FLT3: variants seen among roughly 807,000 people sequenced by gnomAD.
FLT3 encodes receptor-type tyrosine-protein kinase FLT3.
In FLT3, 46 loss-of-function variants were observed where a neutral mutation model predicts 126.6. That is an observed-to-expected ratio of 0.36 (90% confidence interval 0.29 to 0.46). The LOEUF is 0.46. FLT3 is among the 20% of genes least tolerant of loss of function. FLT3 has a pLI of 1.00. For synonymous variants in FLT3, 404 were observed against 434.4 expected (o/e 0.93, Z 0.87); for missense variants, 1,069 against 1,190.3 (o/e 0.90, Z 1.50).
intron 23 of FLT3, among the ~76,000 whole-genome samples, chr13:28,012,156 T>A (rs1871446145): frequency 6.6e-6 from 1 of 152,190 alleles, no homozygotes; most frequent in African/African-American, 2.4e-5. Context: ...CTTCTGACAC[T>A]GGTCACAGAG....
In FLT3 at chr13:28,070,480, T is replaced by A; in HGVS notation, c.165+11A>T. 1 of 1,605,586 alleles carries A rather than the reference T, an allele frequency of 6.2e-7. No individual in the cohort carries two copies. Among genetic ancestry groups the A allele is most frequent in the South Asian group, 1.1e-5 (1 of 89,892 alleles). ...AAAACAGCTAAAGGTATAATTTTAA[T>A]GTTACTTTACCATGGGATATGATGA... On this transcript the variant is annotated intron_variant, in intron 2 of 23. Coordinates refer to ENST00000241453, the MANE Select transcript of FLT3 (RefSeq NM_004119.3).
intron 9 of FLT3, among the ~76,000 whole-genome samples, chr13:28,040,256 A>G (rs1305086597): frequency 6.6e-6 from 1 of 152,202 alleles, no homozygotes; most frequent in Admixed American, 6.5e-5. Context: ...TAGGAGAAGT[A>G]AAAGTTCAGA....
At chr13:28,012,263 T>C (rs1437026068) in intron 23 of FLT3, among the ~76,000 whole-genome samples, 4 of 152,166 alleles carry the variant, frequency 2.6e-5, no homozygotes, top group Non-Finnish European at 5.9e-5. Flanking sequence ...TGCATGGATA[T>C]GTTGCCATTC....
intron 1 of FLT3, among the ~76,000 whole-genome samples, chr13:28,085,221 A>G (rs1403745432): frequency 2.7e-5 from 4 of 145,472 alleles, no homozygotes; most frequent in South Asian, 2.2e-4. Flanking sequence ...GCGCACGCCT[A>G]TAGTTCCAGC....
At chr13:28,078,440 G>T (rs992418348) in intron 1 of FLT3, among the ~76,000 whole-genome samples, 20 of 152,230 alleles carry the variant, frequency 1.3e-4, no homozygotes, top group Admixed American at 6.5e-4. Flanking sequence ...AGCCTGAGCT[G>T]TACATTGGTC....
chr13:28,092,611 G>A (rs750270293), intron 1 of FLT3, among the ~76,000 whole-genome samples: 6 of 151,878 alleles, frequency 4.0e-5, no homozygotes, highest in Admixed American at 1.3e-4. Context: ...TCAAGCCCTC[G>A]TTATCATCTC....
At position 28,035,667 on chromosome 13, in the gene FLT3, T is replaced by C; in HGVS notation, c.1425A>G (p.Thr475=). Residue 475 remains threonine, a synonymous_variant, in exon 12 of 24, where the codon ACA becomes ACG. Transcript: ENST00000241453. ...KKCSDKSPNC[T]EEITEGVWNR... ...TCCAGACTCCTTCTGTGATCTCTTC[T>C]GTGCAGCTGAAAAAAAAAATAGCAA... 6.2e-7 allele frequency: 1 copy of C among 1,601,282 alleles called. No individual in the cohort carries two copies. Among genetic ancestry groups the C allele is most frequent in the African/African-American group, 1.4e-5 (1 of 73,926 alleles).
chr13:28,097,997 T>A (rs1447763450), intron 1 of FLT3, among the ~76,000 whole-genome samples: 1 of 152,126 alleles, frequency 6.6e-6, no homozygotes, highest in African/African-American at 2.4e-5. Context: ...GAAAGCTTCA[T>A]CATTATTCAT....
chr13:28,075,908 G>A (rs1281163166), intron 1 of FLT3, among the ~76,000 whole-genome samples: 1 of 151,226 alleles, frequency 6.6e-6, no homozygotes, highest in African/African-American at 2.4e-5. Flanking sequence ...TGATCCTCCT[G>A]CCTCAGCCTC....
chr13:28,068,586 C>T (rs1877235557), intron 2 of FLT3, among the ~76,000 whole-genome samples: 1 of 151,992 alleles, frequency 6.6e-6, no homozygotes, highest in African/African-American at 2.4e-5. Flanking sequence ...GCCTGTAATC[C>T]CAACACTTTG....
intron 23 of FLT3, among the ~76,000 whole-genome samples, chr13:28,010,674 C>G (rs781493160): frequency 6.6e-6 from 1 of 152,174 alleles, no homozygotes; most frequent in Non-Finnish European, 1.5e-5. Context: ...CTCTCTGGTT[C>G]TCTGAGGGCC....
chr13:28,007,403 C>T (rs904308909), intron 23 of FLT3, among the ~76,000 whole-genome samples: 1 of 152,070 alleles, frequency 6.6e-6, no homozygotes, highest in Non-Finnish European at 1.5e-5. Context: ...TGCGCCACTA[C>T]ACCTGGTTAA....
intron 19 of FLT3, among the ~76,000 whole-genome samples, chr13:28,023,034 G>A (rs1872532747): frequency 1.3e-5 from 2 of 152,222 alleles, no homozygotes; most frequent in Non-Finnish European, 2.9e-5. Flanking sequence ...CGTTCTGAAA[G>A]GGACTGACAA....
intron 2 of FLT3, among the ~76,000 whole-genome samples, chr13:28,069,818 A>G (rs1463697601): frequency 6.6e-6 from 1 of 152,166 alleles, no homozygotes; most frequent in Non-Finnish European, 1.5e-5. Context: ...GATAATTTTA[A>G]AAGTATACAG....
Position 28,085,364 on chromosome 13 carries a change from A to AAAAAG in FLT3, c.44-14757_44-14753dup, listed in dbSNP as rs1419085524. On this transcript the variant is annotated intron_variant, in intron 1 of 23. Coordinates refer to ENST00000241453, the MANE Select transcript of FLT3 (RefSeq NM_004119.3). The stretch of plus-strand genomic sequence containing the variant: ...ATCTCAAAAAAAAAAAAAAAAAAAA[A>AAAAAG]AAAAGAAAAGAAAAAAGAGGTGCAT... Among the ~76,000 whole-genome samples the AAAAAG allele has an allele frequency of 4.3e-3, 423 of 97,694 alleles. 14 individuals carry two copies. The highest frequency in any genetic ancestry group is 7.0e-3 in the East Asian group (22 of 3,150). The allele number at this position is 97,694 out of a possible 152,430, so 64.1% of individuals were successfully genotyped here.
At chr13:28,055,437 T>G (rs552228813) in intron 4 of FLT3, among the ~76,000 whole-genome samples, 1 of 152,392 alleles carries the variant, frequency 6.6e-6, no homozygotes, top group South Asian at 2.1e-4. Context: ...CTGAAATGAA[T>G]AAGCTTCTAT....
intron 12 of FLT3, 73 bp downstream of exon 12, chr13:28,035,422 A>G: frequency 2.1e-6 from 3 of 1,423,548 alleles, no homozygotes; most frequent in Non-Finnish European, 2.9e-6. Flanking sequence ...TCCCCAAGTA[A>G]AAGTCAGCGA....
intron 1 of FLT3, among the ~76,000 whole-genome samples, chr13:28,091,207 CTTTTTTTTTTTTTTT>C (rs572410744): frequency 3.0e-4 from 11 of 36,582 alleles, no homozygotes; most frequent in East Asian, 9.1e-4. Context: ...GCCCCATTTT[CTTTTTTTTTTTTTTT>C]TTTTTTTTTT....
chr13:28,071,050 A>G (rs1261930327), intron 1 of FLT3, among the ~76,000 whole-genome samples: 2 of 130,636 alleles, frequency 1.5e-5, no homozygotes, highest in African/African-American at 5.8e-5. Flanking sequence ...GCTGGAGTGC[A>G]GTGGCGCGTT....
Sources: gnomAD v4.1 joint callset for allele counts (sites outside exome capture counted in the v4.1 genomes callset) on GRCh38, gnomAD v4.1.1 for gene constraint, MANE v1.5 for transcripts, NCBI Gene and HGNC (gene_info 2026-07-23, HGNC 2026-07-21) for gene names.